The following AGO1 variants were observed in gnomAD, a reference collection of about 807,000 sequenced individuals.
AGO1 encodes the protein protein argonaute-1.
In AGO1, 11 loss-of-function variants were observed where a neutral mutation model predicts 109.2. The ratio of observed to expected loss-of-function variants is 0.10; its 90% CI spans 0.06 to 0.17. AGO1 has a LOEUF of 0.17. Ranked by LOEUF, AGO1 falls within the 10% of genes least tolerant of loss-of-function variation. AGO1 has a pLI of 1.00. For missense variants in AGO1, 574 were observed against 1,140.3 expected, an observed-to-expected ratio of 0.50 and a Z score of 7.15; for synonymous variants, 422 against 418.6, an observed-to-expected ratio of 1.01 and a Z score of -0.10.
intron 1 of AGO1, among the ~76,000 whole-genome samples, chr1:35,874,066 A>G (rs915636871): frequency 1.3e-5 from 2 of 152,182 alleles, no homozygotes; most frequent in Non-Finnish European, 2.9e-5. Flanking sequence ...CTGTATGGCA[A>G]TCTGTAAGCA....
intron 12 of AGO1, among the ~76,000 whole-genome samples, chr1:35,912,507 C>A (rs2148722274): frequency 6.6e-6 from 1 of 152,092 alleles, no homozygotes; most frequent in African/African-American, 2.4e-5. Flanking sequence ...CTGAGATGAC[C>A]AAAAAACTAC....
chr1:35,890,773 G>A (rs1241725570), intron 2 of AGO1, among the ~76,000 whole-genome samples: 1 of 152,170 alleles, frequency 6.6e-6, no homozygotes, highest in Non-Finnish European at 1.5e-5. Flanking sequence ...AGGCATCAGA[G>A]TGTGTCTTCC....
rs1399312246 is a variant in AGO1 at position 35,927,565 on chromosome 1, G to A, written c.*7958G>A. ...TTCCCCTGGAAGCTCCAACAGATAC[G>A]GCCTCATGGCTTTGCTAGAAATGGG... On this transcript the variant is annotated 3_prime_UTR_variant, in exon 19 of 19. Coordinates refer to ENST00000373204, the MANE Select transcript of AGO1 (RefSeq NM_012199.5). 6.6e-6 allele frequency: 1 copy of A among 152,132 alleles called. No individual in the cohort carries two copies. Among genetic ancestry groups the A allele is most frequent in the Non-Finnish European group, 1.5e-5 (1 of 68,040 alleles). The allele number at this position is 152,132 out of a possible 1,614,324, so 9.4% of individuals were successfully genotyped here. A position where few individuals can be genotyped will look rare whatever the true frequency, so the allele number is the denominator to read the frequency against.
intron 8 of AGO1, among the ~76,000 whole-genome samples, chr1:35,900,907 C>CA (rs200638300): frequency 5.4e-5 from 8 of 149,280 alleles, no homozygotes; most frequent in South Asian, 4.2e-4. Context: ...GACTCTATCT[C>CA]AAAAAAATAA....
At chr1:35,912,095 C>T (rs368107220) in intron 12 of AGO1, among the ~76,000 whole-genome samples, 1 of 152,112 alleles carries the variant, frequency 6.6e-6, no homozygotes, top group African/African-American at 2.4e-5. Flanking sequence ...CGGTGGCTCA[C>T]GCGTGTAATC....
Position 35,901,958 on chromosome 1 carries a change from C to A in AGO1, c.1151C>A (p.Ala384Asp). 6.3e-7 allele frequency: 1 copy of A among 1,590,156 alleles called. No homozygotes were observed. The highest frequency in any genetic ancestry group is 1.1e-5 in the South Asian group (1 of 87,882). Residue 384 changes from alanine (A) to aspartate (D), a missense_variant, in exon 10 of 19, where the codon GCC (alanine) becomes GAC (aspartate). Physicochemically the swap from Ala to Asp is moderately radical, Grantham distance 126. Transcript: ENST00000373204. This position sits in a 1 kb window ranked among gnomAD's most constrained non-coding sequence, Gnocchi z 4.8. Reference sequence around the variant, plus strand: ...TCTTTTGTCCTGCAGATGAAGAATGCCAGCTACAACTTAGATCCCTACATC... The same window carrying A: ...TCTTTTGTCCTGCAGATGAAGAATGACAGCTACAACTTAGATCCCTACATC... ...QEEISRLMKN[A>D]SYNLDPYIQE...
intron 1 of AGO1, among the ~76,000 whole-genome samples, chr1:35,885,786 C>T (rs934596277): frequency 2.0e-5 from 3 of 152,200 alleles, no homozygotes; most frequent in Non-Finnish European, 4.4e-5. Flanking sequence ...CTAGCAAGTG[C>T]CTAGTGTATA....
intron 14 of AGO1, among the ~76,000 whole-genome samples, chr1:35,914,648 CG>C (rs765330435): frequency 6.6e-6 from 1 of 152,150 alleles, no homozygotes; most frequent in African/African-American, 2.4e-5. Context: ...ATCCTCACCC[CG>C]ATCTGTATAA....
chr1:35,892,152 T>C (rs900108034), intron 2 of AGO1, among the ~76,000 whole-genome samples: 1 of 152,338 alleles, frequency 6.6e-6, no homozygotes, highest in Non-Finnish European at 1.5e-5. Flanking sequence ...GCCCAAGTAC[T>C]GGGATTACAG....
rs140399087 is a variant in AGO1, at chr1:35,883,919, A to G, written c.25+473A>G. On this transcript the variant is annotated intron_variant, in intron 1 of 18. Transcript: ENST00000373204. This position sits in a 1 kb window ranked among gnomAD's most constrained non-coding sequence, Gnocchi z 5.4. Reference sequence around the variant, plus strand: ...TGTGAGCTCCGCCCCACTGGGCCTGACGCGAGGGCGAGGGTCAGGGGGCGG... The same window carrying G: ...TGTGAGCTCCGCCCCACTGGGCCTGGCGCGAGGGCGAGGGTCAGGGGGCGG... Among the ~76,000 whole-genome samples the G allele has an allele frequency of 3.5e-4, 54 of 152,320 alleles. No homozygotes were observed. Among genetic ancestry groups the G allele is most frequent in the African/African-American group, 1.2e-3 (51 of 41,566 alleles).
At position 35,927,221 on chromosome 1, in the gene AGO1, A is replaced by G. The variant is rs991745125; in HGVS notation, c.*7614A>G. 1 of 152,158 alleles carries G rather than the reference A, an allele frequency of 6.6e-6. No homozygotes were observed. Among genetic ancestry groups the G allele is most frequent in the Non-Finnish European group, 1.5e-5 (1 of 68,030 alleles). 9.4% of individuals were successfully genotyped at this position (152,158 alleles called of 1,614,324 possible). A position where few individuals can be genotyped will look rare whatever the true frequency, so the allele number is the denominator to read the frequency against. On this transcript the variant is annotated 3_prime_UTR_variant, in exon 19 of 19. Transcript: ENST00000373204. ...ATCTTACAGCATCTTTACATGCGAA[A>G]TAGTTTATCAGTTATCTTCAATTGC...
At chr1:35,871,777 A>G (rs60248967) in intron 1 of AGO1, among the ~76,000 whole-genome samples, 1 of 151,072 alleles carries the variant, frequency 6.6e-6, no homozygotes, top group Non-Finnish European at 1.5e-5. Flanking sequence ...CTTAAAAAAA[A>G]AATAATTGTT....
At chr1:35,890,367 A>G (rs1265959129) in intron 2 of AGO1, among the ~76,000 whole-genome samples, 1 of 152,154 alleles carries the variant, frequency 6.6e-6, no homozygotes, top group Non-Finnish European at 1.5e-5. Flanking sequence ...TTTTCTACAT[A>G]TATACAGGCA....
intron 11 of AGO1, among the ~76,000 whole-genome samples, chr1:35,903,477 T>C (rs894984654): frequency 4.6e-5 from 7 of 151,774 alleles, no homozygotes; most frequent in African/African-American, 2.4e-5. Context: ...TGAGGAGGAG[T>C]TGATGGAGCC....
At position 35,883,438 on chromosome 1, in the gene AGO1, C is replaced by G. The variant is rs1228530087; in HGVS notation, c.17C>G (p.Ser6Trp). Residue 6 changes from serine (S) to tryptophan (W), a missense_variant, in exon 1 of 19, where the codon TCG becomes TGG. Coordinates refer to ENST00000373204, the MANE Select transcript of AGO1 (RefSeq NM_012199.5). This position sits in a 1 kb window ranked among gnomAD's most constrained non-coding sequence, Gnocchi z 5.4. ...GTATATGGGATGGAAGCGGGACCCT[C>G]GGGAGCAGGTAAGGGTCCCCAGGAG... MEAGPSGAAAGAYLPP... is the reference protein window; with the variant it reads MEAGPWGAAAGAYLPP... The G allele has an allele frequency of 6.4e-7, 1 of 1,569,758 alleles. No individual in the cohort carries two copies.
At chr1:35,896,510 G>A (rs926648312) in intron 8 of AGO1, among the ~76,000 whole-genome samples, 1 of 151,948 alleles carries the variant, frequency 6.6e-6, no homozygotes, top group Non-Finnish European at 1.5e-5. Context: ...ACAGGTGTGC[G>A]CCACCGTGCC....
In AGO1 at chr1:35,913,951, G is replaced by A; in HGVS notation, c.1692G>A (p.Lys564=). Residue 564 remains lysine (K), a synonymous_variant, in exon 13 of 19, where the codon AAG becomes AAA. Coordinates refer to ENST00000373204, the MANE Select transcript of AGO1 (RefSeq NM_012199.5). ...AGACTCTGTCCAACCTCTGCCTCAA[G>A]ATCAATGTCAAACTTGGTGGCATTA... ...SPQTLSNLCL[K]INVKLGGINN... is the part of the protein sequence containing the mutation. The A allele has an allele frequency of 1.2e-6, 2 of 1,614,114 alleles. No individual in the cohort carries two copies. Among genetic ancestry groups the A allele is most frequent in the Non-Finnish European group, 1.7e-6 (2 of 1,180,026 alleles).
At chr1:35,870,485 G>A (rs953709952) in intron 1 of AGO1, among the ~76,000 whole-genome samples, 5 of 151,952 alleles carry the variant, frequency 3.3e-5, no homozygotes, top group South Asian at 2.1e-4. Flanking sequence ...GGGTTTCACC[G>A]TGTTAGCCAG....
chr1:35,876,687 T>G (rs1644995732), intron 1 of AGO1, among the ~76,000 whole-genome samples: 1 of 152,222 alleles, frequency 6.6e-6, no homozygotes, highest in African/African-American at 2.4e-5. Context: ...ATAAACCTAG[T>G]TGATATGGCA....
Sources: gnomAD v4.1 joint callset for allele counts (sites outside exome capture counted in the v4.1 genomes callset) on GRCh38, gnomAD v4.1.1 for gene constraint, Gnocchi (gnomAD v3.1) non-coding constraint, MANE v1.5 for transcripts, NCBI Gene and HGNC (gene_info 2026-07-23, HGNC 2026-07-21) for gene names.